BNC2: variants seen among roughly 807,000 people sequenced by gnomAD.
BNC2 encodes the protein zinc finger protein basonuclin-2.
BNC2 carries 20 observed loss-of-function variants against 76.3 expected under a neutral mutation model. That is an observed-to-expected ratio of 0.26 (90% CI 0.18 to 0.38). The LOEUF (loss-of-function observed/expected upper bound fraction) is 0.38, where lower values mean the gene tolerates loss of function less well. Among genes scored for constraint, BNC2 ranks in the 10% least tolerant of loss-of-function variants. The probability of loss-of-function intolerance (pLI) is 1.00; values close to 1 mark genes in which losing one functional copy is unlikely to be tolerated. For synonymous variants in BNC2, 582 were observed against 514.8 expected, an observed-to-expected ratio of 1.13 and a Z score of -1.77; for missense variants, 1,382 against 1,399.8, an observed-to-expected ratio of 0.99 and a Z score of 0.20.
intron 3 of BNC2, among the ~76,000 whole-genome samples, chr9:16,713,268 G>A (rs1823901420): frequency 6.6e-6 from 1 of 152,034 alleles, no homozygotes; most frequent in African/African-American, 2.4e-5. Context: ...CATAGTCATA[G>A]ACCTTTCAAC....
chr9:16,788,334 AT>A (rs1187514025), intron 1 of BNC2, among the ~76,000 whole-genome samples: 4 of 151,640 alleles, frequency 2.6e-5, no homozygotes, highest in Admixed American at 6.6e-5. Flanking sequence ...TGGGCAGATC[AT>A]GAAGTCAGGA....
chr9:16,549,124 C>A (rs531963040), intron 5 of BNC2, among the ~76,000 whole-genome samples: 2 of 152,194 alleles, frequency 1.3e-5, no homozygotes, highest in African/African-American at 4.8e-5. Context: ...CTTCCCCCTA[C>A]ATCCAAAAAT....
chr9:16,544,981 T>G (rs1818435497), intron 5 of BNC2, among the ~76,000 whole-genome samples: 1 of 152,162 alleles, frequency 6.6e-6, no homozygotes, highest in South Asian at 2.1e-4. Flanking sequence ...AAACTGATGT[T>G]CAAGTATGTT....
chr9:16,546,173 GAGA>G (rs1310639537), intron 5 of BNC2, among the ~76,000 whole-genome samples: 1 of 152,134 alleles, frequency 6.6e-6, no homozygotes, highest in East Asian at 1.9e-4. Context: ...CCAATTTATT[GAGA>G]AGGAGTTCAC....
intron 1 of BNC2, chr9:16,775,530 A>G (rs1258220818): frequency 6.5e-6 from 1 of 153,186 alleles, no homozygotes; most frequent in Non-Finnish European, 1.5e-5. Context: ...TCATTCAGTG[A>G]CAGCCCTTAC....
chr9:16,542,575 C>A (rs1818357332), intron 5 of BNC2, among the ~76,000 whole-genome samples: 1 of 152,126 alleles, frequency 6.6e-6, no homozygotes, highest in Admixed American at 6.5e-5. Context: ...GCAACAAATG[C>A]CAAGTTTGTA....
At chr9:16,486,866 C>T (rs1311056089) in intron 5 of BNC2, among the ~76,000 whole-genome samples, 2 of 152,102 alleles carry the variant, frequency 1.3e-5, no homozygotes, top group East Asian at 3.9e-4. Flanking sequence ...GCTGGGACTA[C>T]AGGCACATGA....
intron 1 of BNC2, chr9:16,867,971 C>G (rs1025373311): frequency 6.6e-6 from 1 of 152,000 alleles, no homozygotes; most frequent in Non-Finnish European, 1.5e-5. Flanking sequence ...TTTATTGAAC[C>G]GCCTAACCCG....
chr9:16,515,172 A>G (rs1402065301), intron 5 of BNC2, among the ~76,000 whole-genome samples: 1 of 152,212 alleles, frequency 6.6e-6, no homozygotes, highest in African/African-American at 2.4e-5. Flanking sequence ...AGCTGCATGG[A>G]GCAGAGCATG....
At chr9:16,675,270 G>C (rs1466620372) in intron 3 of BNC2, among the ~76,000 whole-genome samples, 5 of 147,886 alleles carry the variant, frequency 3.4e-5, no homozygotes, top group Admixed American at 1.3e-4. Context: ...TTTTTTTTAA[G>C]TCTCACTGTG....
At chr9:16,776,726 C>G (rs893562218) in intron 1 of BNC2, among the ~76,000 whole-genome samples, 2 of 152,074 alleles carry the variant, frequency 1.3e-5, no homozygotes, top group African/African-American at 4.8e-5. Flanking sequence ...TAAGTAATTC[C>G]AAATTTGAGG....
chr9:16,786,735 C>A (rs1247995373), intron 1 of BNC2, among the ~76,000 whole-genome samples: 1 of 152,090 alleles, frequency 6.6e-6, no homozygotes, highest in Non-Finnish European at 1.5e-5. Flanking sequence ...CTGCTGGGAA[C>A]CCACAGGATG....
chr9:16,630,607 T>A (rs1028023890), intron 3 of BNC2, among the ~76,000 whole-genome samples: 1 of 152,186 alleles, frequency 6.6e-6, no homozygotes, highest in South Asian at 2.1e-4. Context: ...AAACTACACA[T>A]AGGAAAAATA....
chr9:16,654,757 T>A (rs1240744334), intron 3 of BNC2, among the ~76,000 whole-genome samples: 2 of 152,080 alleles, frequency 1.3e-5, no homozygotes, highest in East Asian at 3.9e-4. Flanking sequence ...CCAAGTCAGA[T>A]AAGAAGGTTT....
rs540330736 is a variant in BNC2 at position 16,463,886 on chromosome 9, A to G, written c.670-26362T>C. Among the ~76,000 whole-genome samples, 3 of 152,066 alleles carry G rather than the reference A, an allele frequency of 2.0e-5. No individual in the cohort carries two copies. In the East Asian group the frequency reaches 5.9e-4, roughly 30 times the overall value. On this transcript the variant is annotated intron_variant, in intron 5 of 6. Coordinates refer to ENST00000380672, the MANE Select transcript of BNC2 (RefSeq NM_017637.6). ...CAAGGCAGGCAGATCACTTGAGGTT[A>G]GGTGTTTGAGACCACCTGGGCCAAC...
At chr9:16,668,452 G>A (rs1021034869) in intron 3 of BNC2, among the ~76,000 whole-genome samples, 2 of 152,138 alleles carry the variant, frequency 1.3e-5, no homozygotes, top group Non-Finnish European at 2.9e-5. Context: ...TGATCTCAGG[G>A]TATACCATAC....
chr9:16,484,635 C>A (rs999511906), intron 5 of BNC2, among the ~76,000 whole-genome samples: 1 of 152,126 alleles, frequency 6.6e-6, no homozygotes, highest in African/African-American at 2.4e-5. Flanking sequence ...TCTAATTTTC[C>A]TTTTTCCAAC....
rs146873814 is a variant in BNC2 at position 16,778,472 on chromosome 9, C to G, written c.4-39987G>C. ...AGCCAAAAAAACATGATGACCTAAG[C>G]CACTTCATTCAAAACAATAATCCAA... On this transcript the variant is annotated intron_variant, in intron 1 of 6. Coordinates refer to ENST00000380672, the MANE Select transcript of BNC2 (RefSeq NM_017637.6). 3.2e-3 allele frequency among the ~76,000 whole-genome samples: 494 copies of G among 152,216 alleles called. 2 individuals carry two copies. The highest frequency in any genetic ancestry group is 0.024 in the Middle Eastern group (7 of 294).
intron 3 of BNC2, among the ~76,000 whole-genome samples, chr9:16,695,632 C>T (rs1438150688): frequency 6.6e-6 from 1 of 151,150 alleles, no homozygotes; most frequent in Non-Finnish European, 1.5e-5. Flanking sequence ...GCTGCGGCCT[C>T]CCAAAGTACT....
Sources: allele counts gnomAD v4.1 joint callset (sites outside exome capture counted in the v4.1 genomes callset), GRCh38; gene constraint gnomAD v4.1.1; transcripts MANE v1.5; gene names NCBI Gene and HGNC (gene_info 2026-07-23, HGNC 2026-07-21).